PRKCZ: variants seen among roughly 807,000 people sequenced by gnomAD.
PRKCZ encodes the protein protein kinase C zeta type.
Under a neutral mutation model 79.5 loss-of-function variants are expected in PRKCZ, and 33 were observed. The observed-to-expected ratio is 0.41, with a 90% CI of 0.31 to 0.55. The LOEUF (loss-of-function observed/expected upper bound fraction) is 0.55. Among genes scored for constraint, PRKCZ ranks in the 20% least tolerant of loss-of-function variants. The probability of loss-of-function intolerance (pLI) is 0.19; values close to 1 mark genes in which losing one functional copy is unlikely to be tolerated. For missense variants in PRKCZ, 578 were observed against 813.5 expected (o/e 0.71, Z 3.52); for synonymous variants, 342 against 320.9 (o/e 1.07, Z -0.70).
chr1:2,171,850 T>C (rs1684501183), intron 11 of PRKCZ, among the ~76,000 whole-genome samples: 2 of 152,224 alleles, frequency 1.3e-5, no homozygotes, highest in Non-Finnish European at 1.5e-5. Flanking sequence ...CAGGCCATCC[T>C]AAGGCGCATG....
chr1:2,151,032 C>T, intron 9 of PRKCZ, 54 bp downstream of exon 9: 1 of 1,588,784 alleles, frequency 6.3e-7, no homozygotes, highest in African/African-American at 1.4e-5. Context: ...TGCCCTGGGG[C>T]CTCCTCCGGG....
rs1557628465 is a variant in PRKCZ at position 2,124,405 on chromosome 1, G to GGTGGTTAGGGTCACA, written c.335-10852_335-10851insTAGGGTCACAGTGGT. The stretch of plus-strand genomic sequence containing the variant: ...GGGTCACGGCGGTGGTTAGGGTCAC[G>GGTGGTTAGGGTCACA]GTGGTGGTTAGGGTCACAGGGTAGA... On this transcript the variant is annotated intron_variant, in intron 4 of 17. Coordinates refer to ENST00000378567, the MANE Select transcript of PRKCZ (RefSeq NM_002744.6). Among the ~76,000 whole-genome samples the GGTGGTTAGGGTCACA allele has an allele frequency of 3.9e-4, 53 of 134,208 alleles. 4 individuals carry two copies. The highest frequency in any genetic ancestry group is 1.5e-3 in the African/African-American group (47 of 31,710). 88.0% of individuals were successfully genotyped at this position (134,208 alleles called of 152,430 possible). A position where few individuals can be genotyped will look rare whatever the true frequency, so the allele number is the denominator to read the frequency against.
chr1:2,067,548 G>T (rs973988429), intron 4 of PRKCZ, among the ~76,000 whole-genome samples: 18 of 152,292 alleles, frequency 1.2e-4, no homozygotes, highest in Admixed American at 1.0e-3. Context: ...GTGGTGTTGG[G>T]GTGGAGTAAT....
At chr1:2,184,795 TC>T in intron 17 of PRKCZ, 97 bp downstream of exon 17, 4 of 1,398,660 alleles carry the variant, frequency 2.9e-6, no homozygotes, top group South Asian at 2.5e-5. Context: ...TGCCCTTGAG[TC>T]CCACCCGCCT....
At chr1:2,124,564 C>T (rs115898406) in intron 4 of PRKCZ, among the ~76,000 whole-genome samples, 1,957 of 152,200 alleles carry the variant, frequency 0.013, 21 homozygotes, top group Admixed American at 0.021. Flanking sequence ...GGAGATACCC[C>T]GCCCTGCAGG....
chr1:2,138,955 C>CAGAT (rs1282593124), intron 5 of PRKCZ, among the ~76,000 whole-genome samples: 1 of 150,116 alleles, frequency 6.7e-6, no homozygotes, highest in African/African-American at 2.5e-5. Context: ...AGAAGCTGTG[C>CAGAT]AGATCTCTGG....
At chr1:2,169,031 C>T (rs1240627808) in intron 10 of PRKCZ, 2 of 399,308 alleles carry the variant, frequency 5.0e-6, no homozygotes, top group African/African-American at 2.1e-5. Flanking sequence ...CTCCCTGACC[C>T]CAGCTTGTTC....
Position 2,175,306 on chromosome 1 carries a change from G to A in PRKCZ, c.1568G>A (p.Trp523Ter), listed in dbSNP as rs748167115. ...CACGCGTTCTTCCGCAGCATAGACT[G>A]GGACTTGGTAAAGCATCACAAAGCC... ...KSHAFFRSID[W>*]DLLEKKQALP... The change falls in exon 16 of 18, where the codon TGG becomes TAG. Residue 523 changes from tryptophan to a stop codon, truncating the protein, a stop_gained. Coordinates refer to ENST00000378567, the MANE Select transcript of PRKCZ (RefSeq NM_002744.6). LOFTEE classifies it high-confidence loss of function. 6.2e-7 allele frequency: 1 copy of A among 1,612,844 alleles called. No homozygotes were observed. Among genetic ancestry groups the A allele is most frequent in the African/African-American group, 1.3e-5 (1 of 74,926 alleles).
Position 2,085,823 on chromosome 1 carries a change from C to T in PRKCZ, c.334+26232C>T, listed in dbSNP as rs185816796. 7.5e-3 allele frequency among the ~76,000 whole-genome samples: 1,139 copies of T among 152,286 alleles called. 9 individuals carry two copies. Among genetic ancestry groups the T allele is most frequent in the Admixed American group, 0.012 (184 of 15,306 alleles). The stretch of plus-strand genomic sequence containing the variant: ...GGAGGGGCTGAGGATATGGGGGGCC[C>T]GGGCCCGGCTCCCCTCTCACAGGCA... On this transcript the variant is annotated intron_variant, in intron 4 of 17. Coordinates refer to ENST00000378567, the MANE Select transcript of PRKCZ (RefSeq NM_002744.6).
chr1:2,155,343 ATGG>A (rs765657309), intron 9 of PRKCZ, among the ~76,000 whole-genome samples: 40 of 149,368 alleles, frequency 2.7e-4, no homozygotes, highest in Admixed American at 3.3e-4. Context: ...GGTGATGACA[ATGG>A]TGGTGATGAC....
chr1:2,056,324 G>A (rs148769993), intron 2 of PRKCZ, among the ~76,000 whole-genome samples, 160 bp from the exon 3 acceptor site: 66 of 152,308 alleles, frequency 4.3e-4, no homozygotes, highest in African/African-American at 1.5e-3. Flanking sequence ...TAGTGTGGAC[G>A]GCCGTCCTTG....
At chr1:2,180,605 C>G (rs147596890) in intron 16 of PRKCZ, among the ~76,000 whole-genome samples, 1 of 152,084 alleles carries the variant, frequency 6.6e-6, no homozygotes, top group Non-Finnish European at 1.5e-5. Flanking sequence ...CGTGGACGCA[C>G]GGATGACTCA....
rs1444012826 is a variant in PRKCZ at position 2,050,463 on chromosome 1, C to T, written c.-168C>T. ...GGACGGTCCCGCCCCGCGCGCCCCC[C>T]GCTCCCGCCCCGCGCGCCGCCGGAG... On this transcript the variant is annotated 5_prime_UTR_variant, in exon 1 of 18. Coordinates refer to ENST00000378567, the MANE Select transcript of PRKCZ (RefSeq NM_002744.6). 4 of 249,572 alleles carry T rather than the reference C, an allele frequency of 1.6e-5. No homozygotes were observed. Among genetic ancestry groups the T allele is most frequent in the Admixed American group, 1.2e-4 (2 of 17,368 alleles). The allele number at this position is 249,572 out of a possible 1,614,324, so 15.5% of individuals were successfully genotyped here. A position where few individuals can be genotyped will look rare whatever the true frequency, so the allele number is the denominator to read the frequency against.
chr1:2,094,036 C>T lies in PRKCZ; in HGVS notation c.334+34445C>T, dbSNP rs892135968. ...GCTCCCTGCGGCACGTCCACAGCAC[C>T]TGCCAGCCCACTTTGGGTGACCCTC... On this transcript the variant is annotated intron_variant, in intron 4 of 17. Transcript: ENST00000378567. The surrounding 1 kb of genome is among the most constrained non-coding windows in gnomAD (Gnocchi z 7.3). 6.6e-5 allele frequency among the ~76,000 whole-genome samples: 10 copies of T among 152,172 alleles called. No individual in the cohort carries two copies. Among genetic ancestry groups the T allele is most frequent in the Non-Finnish European group, 1.5e-4 (10 of 68,022 alleles).
At chr1:2,104,826 C>A in intron 4 of PRKCZ, 1 of 985,734 alleles carries the variant, frequency 1.0e-6, no homozygotes, top group African/African-American at 1.7e-5. Context: ...GCTTCCTCGC[C>A]GGGTGTTGCG....
chr1:2,157,583 A>G (rs189559648), intron 10 of PRKCZ, among the ~76,000 whole-genome samples: 45 of 151,644 alleles, frequency 3.0e-4, no homozygotes, highest in African/African-American at 2.4e-5. Flanking sequence ...ACACCTGGCT[A>G]ATTTTTGTAT....
Position 2,179,240 on chromosome 1 carries a change from C to T in PRKCZ, c.1575+3927C>T, listed in dbSNP as rs116236191. Among the ~76,000 whole-genome samples, 801 of 152,312 alleles carry T rather than the reference C, an allele frequency of 5.3e-3. 11 individuals are homozygous for T. The highest frequency in any genetic ancestry group is 0.018 in the African/African-American group (750 of 41,566). On this transcript the variant is annotated intron_variant, in intron 16 of 17. Coordinates refer to ENST00000378567, the MANE Select transcript of PRKCZ (RefSeq NM_002744.6). ...CTCAGGCTCCTAATCCTGAGTCCTCCGGTTTGGCTGTGGGAGCAAAGGCCG... is the reference window on the plus strand; with the variant it reads ...CTCAGGCTCCTAATCCTGAGTCCTCTGGTTTGGCTGTGGGAGCAAAGGCCG...
At chr1:2,071,409 TG>T in intron 4 of PRKCZ, 1 of 401,206 alleles carries the variant, frequency 2.5e-6, no homozygotes, top group Non-Finnish European at 5.0e-6. Flanking sequence ...TGTGGAACAG[TG>T]GGGACGCTGC....
chr1:2,160,238 C>T (rs372511805), intron 10 of PRKCZ, among the ~76,000 whole-genome samples: 2 of 146,468 alleles, frequency 1.4e-5, no homozygotes, highest in African/African-American at 2.6e-5. Flanking sequence ...CAGCAGTGTG[C>T]GTGTGTGTGT....
Sources: allele counts gnomAD v4.1 joint callset (sites outside exome capture counted in the v4.1 genomes callset), GRCh38; gene constraint gnomAD v4.1.1; non-coding constraint Gnocchi (gnomAD v3.1); transcripts MANE v1.5; gene names NCBI Gene and HGNC (gene_info 2026-07-23, HGNC 2026-07-21).